ZNF292: variants seen among roughly 807,000 people sequenced by gnomAD.
ZNF292 encodes zinc finger protein 292, also known as 16 zinc-finger domain protein.
ZNF292 carries 26 observed loss-of-function variants against 217.9 expected under a neutral mutation model. That is an observed-to-expected ratio of 0.12 (90% CI 0.09 to 0.17). The LOEUF is 0.17. ZNF292 is among the 10% of genes least tolerant of loss of function. The pLI is 1.00. For synonymous variants in ZNF292, 1,257 were observed against 1,124.1 expected, an observed-to-expected ratio of 1.12 and a Z score of -2.37; for missense variants, 2,904 against 3,175.2, an observed-to-expected ratio of 0.91 and a Z score of 2.05.
chr6:87,226,183 T>C (rs1773333586), intron 4 of ZNF292, among the ~76,000 whole-genome samples: 1 of 152,164 alleles, frequency 6.6e-6, no homozygotes, highest in Non-Finnish European at 1.5e-5. Context: ...CAGTCCTTTC[T>C]TGCATCTTGA....
Position 87,256,119 on chromosome 6 carries a change from T to A in ZNF292, c.2490T>A (p.Asp830Glu). Residue 830 changes from aspartate to glutamate, a missense_variant, in exon 8 of 8, where the codon GAT becomes GAA. By Grantham distance (45) the Asp-to-Glu change is conservative. Around this residue, in one of 15 missense-constraint regions of ZNF292, gnomAD observed 687 missense variants for 623.0 expected, o/e 1.10. Coordinates refer to ENST00000369577, the MANE Select transcript of ZNF292 (RefSeq NM_015021.3). ...SQGELEKHLDDHSTPPEKVLP... is the reference protein window; with the variant it reads ...SQGELEKHLDEHSTPPEKVLP... Reference sequence around the variant, plus strand: ...GTGAGCTGGAAAAGCATCTGGATGATCACAGTACTCCTCCTGAAAAAGTGC... The same window carrying A: ...GTGAGCTGGAAAAGCATCTGGATGAACACAGTACTCCTCCTGAAAAAGTGC... The A allele has an allele frequency of 6.2e-7, 1 of 1,613,662 alleles. No individual in the cohort carries two copies. The highest frequency in any genetic ancestry group is 8.5e-7 in the Non-Finnish European group (1 of 1,179,786).
At chr6:87,235,684 C>G (rs1470746247) in intron 5 of ZNF292, among the ~76,000 whole-genome samples, 1 of 152,158 alleles carries the variant, frequency 6.6e-6, no homozygotes, top group South Asian at 2.1e-4. Flanking sequence ...CCAGCCTACT[C>G]TGGGAGATGA....
At chr6:87,220,724 A>T (rs1221288337) in intron 4 of ZNF292, among the ~76,000 whole-genome samples, 1 of 152,210 alleles carries the variant, frequency 6.6e-6, no homozygotes. Context: ...AATGTGCCTA[A>T]CATTGTATCT....
In ZNF292 at chr6:87,260,431, G is replaced by A. The variant is rs1775504702; in HGVS notation, c.6802G>A (p.Ala2268Thr). The A allele has an allele frequency of 6.2e-7, 1 of 1,613,504 alleles. No individual in the cohort carries two copies. The highest frequency in any genetic ancestry group is 8.5e-7 in the Non-Finnish European group (1 of 1,179,716). ...TTGTGAAGGCTGTGACCGTATATATGCAACCCGGTCGAATCTCCTCCGACA... is the reference window on the plus strand; with the variant it reads ...TTGTGAAGGCTGTGACCGTATATATACAACCCGGTCGAATCTCCTCCGACA... ...CDCEGCDRIY[A>T]TRSNLLRHIF... The change falls in exon 8 of 8, where the codon GCA (alanine) becomes ACA (threonine). Residue 2268 changes from alanine to threonine, a missense_variant. This residue lies in a region of ZNF292 where 55 missense variants were observed against 99.8 expected (regional missense o/e 0.55). Transcript: ENST00000369577.
At chr6:87,208,361 C>G (rs184086540) in intron 1 of ZNF292, among the ~76,000 whole-genome samples, 15 of 152,172 alleles carry the variant, frequency 9.9e-5, no homozygotes, top group Non-Finnish European at 1.9e-4. Flanking sequence ...TTTCTCTATT[C>G]TGACTTCCTG....
At chr6:87,218,284 AG>A (rs1330270381) in intron 3 of ZNF292, among the ~76,000 whole-genome samples, 44 of 152,130 alleles carry the variant, frequency 2.9e-4, no homozygotes, top group African/African-American at 1.1e-3. Context: ...AAAATGTGTA[AG>A]GTCTTTTATG....
At position 87,168,690 on chromosome 6, in the gene ZNF292, G is replaced by A. The variant is rs138539581; in HGVS notation, c.168+12931G>A. Among the ~76,000 whole-genome samples the A allele has an allele frequency of 8.5e-5, 13 of 152,208 alleles. No homozygotes were observed. In the East Asian group the frequency reaches 1.4e-3, roughly 16 times the overall value. ...TCACCATGTTCGCCAGGCTGGTCCC[G>A]AACTCCTGACCTCAGGTGATCCGCC... On this transcript the variant is annotated intron_variant, in intron 1 of 7. Transcript: ENST00000369577.
At chr6:87,190,710 G>T (rs921903716) in intron 1 of ZNF292, among the ~76,000 whole-genome samples, 1 of 152,088 alleles carries the variant, frequency 6.6e-6, no homozygotes, top group African/African-American at 2.4e-5. Context: ...CTGACCTCAG[G>T]TGATTTGCCC....
chr6:87,253,666 C>T (rs957924373), intron 7 of ZNF292, among the ~76,000 whole-genome samples: 1 of 152,076 alleles, frequency 6.6e-6, no homozygotes, highest in African/African-American at 2.4e-5. Context: ...AGTAAAAATA[C>T]TAAAATACTT....
chr6:87,163,959 C>T (rs368795717), intron 1 of ZNF292, among the ~76,000 whole-genome samples: 4 of 151,832 alleles, frequency 2.6e-5, no homozygotes, highest in African/African-American at 9.7e-5. Context: ...GTTACATGGC[C>T]TAAAGACTCA....
intron 1 of ZNF292, among the ~76,000 whole-genome samples, chr6:87,180,284 G>A (rs1267467920): frequency 6.6e-6 from 1 of 152,244 alleles, no homozygotes; most frequent in African/African-American, 2.4e-5. Flanking sequence ...TTCTTTATGT[G>A]ATGTTAATTT....
chr6:87,260,040 T>A lies in ZNF292; in HGVS notation c.6411T>A (p.Ala2137=). 6.2e-7 allele frequency: 1 copy of A among 1,613,624 alleles called. No individual in the cohort carries two copies. The highest frequency in any genetic ancestry group is 8.5e-7 in the Non-Finnish European group (1 of 1,179,656). The change falls in exon 8 of 8, where the codon GCT becomes GCA. Residue 2137 remains alanine (A), a synonymous_variant. Coordinates refer to ENST00000369577, the MANE Select transcript of ZNF292 (RefSeq NM_015021.3). ...IQQNLILHYQ[A]VHKSDLPAFS... ...AAAACTTGATTCTCCATTACCAGGC[T>A]GTACACAAATCAGATCTACCTGCAT... is the stretch of plus-strand genomic sequence containing the variant.
intron 4 of ZNF292, 51 bp from the exon 5 acceptor site, chr6:87,233,274 A>C: frequency 7.4e-7 from 1 of 1,348,974 alleles, no homozygotes; most frequent in Non-Finnish European, 1.0e-6. Context: ...TTGGTATTGC[A>C]AATGAATTAT....
At chr6:87,169,660 C>G in intron 1 of ZNF292, 1 of 430,138 alleles carries the variant, frequency 2.3e-6, no homozygotes, top group South Asian at 1.6e-5. Flanking sequence ...TTGTTTTGTT[C>G]TGTTTTGAGA....
chr6:87,197,218 A>G (rs887663616), intron 1 of ZNF292, among the ~76,000 whole-genome samples: 4 of 152,340 alleles, frequency 2.6e-5, no homozygotes, highest in Admixed American at 6.5e-5. Flanking sequence ...TGGGAAAGCA[A>G]TGTGGCCAGT....
chr6:87,192,631 C>G (rs1052897863), intron 1 of ZNF292, among the ~76,000 whole-genome samples: 2 of 152,082 alleles, frequency 1.3e-5, no homozygotes, highest in African/African-American at 4.8e-5. Flanking sequence ...ATAGATACAT[C>G]CACACATATA....
chr6:87,181,963 C>T (rs372452884), intron 1 of ZNF292, among the ~76,000 whole-genome samples: 12 of 152,104 alleles, frequency 7.9e-5, no homozygotes, highest in African/African-American at 2.2e-4. Context: ...AGATTACAGG[C>T]GCCCGGCGGT....
rs1775440393 is a variant in ZNF292 at position 87,259,560 on chromosome 6, A to G, written c.5931A>G (p.Glu1977=). 1 of 1,580,240 alleles carries G rather than the reference A, an allele frequency of 6.3e-7. No homozygotes were observed. The highest frequency in any genetic ancestry group is 1.2e-5 in the South Asian group (1 of 86,680). The change falls in exon 8 of 8, where the codon GAA becomes GAG. Residue 1977 remains glutamate (E), a synonymous_variant. Coordinates refer to ENST00000369577, the MANE Select transcript of ZNF292 (RefSeq NM_015021.3). ...HCQLVHHFTT[E]EMVKLKIKRP... is the part of the protein sequence containing the mutation. ...AGTTGGTGCATCATTTTACAACTGA[A>G]GAAATGGTAAAGTTAAAAATTAAAA...
intron 7 of ZNF292, among the ~76,000 whole-genome samples, chr6:87,250,817 C>A (rs1336976349): frequency 6.6e-6 from 1 of 152,154 alleles, no homozygotes; most frequent in Non-Finnish European, 1.5e-5. Flanking sequence ...TCACTAGACT[C>A]CTTGAGGTTT....
Sources: allele counts gnomAD v4.1 joint callset (sites outside exome capture counted in the v4.1 genomes callset), GRCh38; gene constraint gnomAD v4.1.1; regional missense constraint gnomAD v4.1.1; transcripts MANE v1.5; gene names NCBI Gene and HGNC (gene_info 2026-07-23, HGNC 2026-07-21).